NKAIN2: variants seen among roughly 807,000 people sequenced by gnomAD.
NKAIN2 encodes sodium/potassium-transporting ATPase subunit beta-1-interacting protein 2.
NKAIN2 carries 14 observed loss-of-function variants against 32.6 expected under a neutral mutation model. The ratio of observed to expected loss-of-function variants is 0.43; its 90% confidence interval spans 0.28 to 0.67. The LOEUF is 0.67. Ranked by LOEUF, NKAIN2 falls within the 30% of genes least tolerant of loss-of-function variation. The pLI, the probability that NKAIN2 is intolerant of heterozygous loss-of-function variation, is 0.17. For synonymous variants in NKAIN2, 80 were observed against 87.2 expected, an observed-to-expected ratio of 0.92 and a Z score of 0.46; for missense variants, 198 against 258.3, an observed-to-expected ratio of 0.77 and a Z score of 1.60.
At chr6:124,798,807 C>G (rs559872721) in intron 5 of NKAIN2, among the ~76,000 whole-genome samples, 1 of 152,042 alleles carries the variant, frequency 6.6e-6, no homozygotes, top group Admixed American at 6.6e-5. Context: ...CATGACCTTC[C>G]GACATTCAAA....
chr6:123,874,662 A>T (rs9320964), intron 1 of NKAIN2, among the ~76,000 whole-genome samples: 53,329 of 151,942 alleles, frequency 0.35, 9,624 homozygotes, highest in African/African-American at 0.4. Context: ...GCTCTTATTA[A>T]AATGAGATGC....
intron 5 of NKAIN2, among the ~76,000 whole-genome samples, chr6:124,796,752 A>G (rs1039832334): frequency 1.3e-5 from 2 of 152,142 alleles, no homozygotes; most frequent in Non-Finnish European, 1.5e-5. Flanking sequence ...CCTTAACAAC[A>G]TACTTTCATA....
At chr6:124,282,916 TTA>T (rs2114921206) in intron 1 of NKAIN2, 87 bp from the exon 2 acceptor site, 1 of 1,102,420 alleles carries the variant, frequency 9.1e-7, no homozygotes, top group African/African-American at 1.6e-5. Flanking sequence ...TAAGTGCTAA[TTA>T]TGTTATTAAT....
chr6:124,519,402 G>A (rs1779041194), intron 3 of NKAIN2, among the ~76,000 whole-genome samples: 1 of 152,194 alleles, frequency 6.6e-6, no homozygotes, highest in African/African-American at 2.4e-5. Context: ...TCACACTGGA[G>A]TTAGAATTCC....
In NKAIN2 at chr6:124,413,807, G is replaced by A. The variant is rs183593551; in HGVS notation, c.273+58460G>A. Among the ~76,000 whole-genome samples, 115 of 152,092 alleles carry A rather than the reference G, an allele frequency of 7.6e-4. 1 individual carries two copies. The highest frequency in any genetic ancestry group is 7.3e-3 in the Admixed American group (112 of 15,262). ...TCATATTTTTGATCATACTGGAAAT[G>A]GTATTTTTATTTCCATATATGATTG... On this transcript the variant is annotated intron_variant, in intron 3 of 6. Transcript: ENST00000368417.
chr6:124,569,524 A>G (rs1781047191), intron 3 of NKAIN2, among the ~76,000 whole-genome samples: 1 of 152,122 alleles, frequency 6.6e-6, no homozygotes, highest in South Asian at 2.1e-4. Context: ...GAGGTAATTG[A>G]ATCATGGGGA....
intron 5 of NKAIN2, among the ~76,000 whole-genome samples, chr6:124,817,550 T>A (rs1254828160): frequency 1.3e-5 from 2 of 152,156 alleles, no homozygotes; most frequent in Non-Finnish European, 2.9e-5. Flanking sequence ...TAAAAGTGCA[T>A]GACACTTTTA....
intron 1 of NKAIN2, among the ~76,000 whole-genome samples, chr6:123,866,587 A>C (rs933693644): frequency 1.3e-5 from 2 of 152,018 alleles, no homozygotes; most frequent in East Asian, 1.9e-4. Context: ...CCCGCCACCA[A>C]GCCCGGCCAA....
At chr6:124,088,009 G>A (rs546134432) in intron 1 of NKAIN2, among the ~76,000 whole-genome samples, 10 of 151,904 alleles carry the variant, frequency 6.6e-5, no homozygotes, top group Non-Finnish European at 1.3e-4. Context: ...CGTTGCATTC[G>A]CATTTTTGCT....
intron 1 of NKAIN2, among the ~76,000 whole-genome samples, chr6:124,179,418 A>G (rs890356650): frequency 1.3e-5 from 2 of 152,248 alleles, no homozygotes; most frequent in Non-Finnish European, 2.9e-5. Flanking sequence ...TTAATGTCTT[A>G]AAGTGTTATA....
At chr6:123,865,490 C>T (rs954059955) in intron 1 of NKAIN2, among the ~76,000 whole-genome samples, 2 of 151,636 alleles carry the variant, frequency 1.3e-5, no homozygotes, top group African/African-American at 4.8e-5. Flanking sequence ...TCTCATAATC[C>T]TCCTTTATTT....
At chr6:124,309,028 G>A (rs1796617322) in intron 2 of NKAIN2, among the ~76,000 whole-genome samples, 3 of 152,044 alleles carry the variant, frequency 2.0e-5, no homozygotes, top group Admixed American at 2.0e-4. Flanking sequence ...CCGAGAACAG[G>A]CATCCATTCT....
chr6:123,977,274 G>T (rs1245517044), intron 1 of NKAIN2, among the ~76,000 whole-genome samples: 1 of 152,120 alleles, frequency 6.6e-6, no homozygotes, highest in Non-Finnish European at 1.5e-5. Context: ...AAATTTAAAA[G>T]GTGGTGTGTG....
chr6:124,461,462 C>A (rs1442234655), intron 3 of NKAIN2, among the ~76,000 whole-genome samples: 4 of 151,668 alleles, frequency 2.6e-5, no homozygotes, highest in African/African-American at 9.7e-5. Context: ...TTTTCTTAAT[C>A]TGTGTTGCTT....
Position 124,212,173 on chromosome 6 carries a change from C to T in NKAIN2, c.55-70832C>T, listed in dbSNP as rs1791214810. Reference sequence around the variant, plus strand: ...CTCTAGTGACATTTGTAATAACTTGCCTAAGGCATTAATTCTAATCACTTT... The same window carrying T: ...CTCTAGTGACATTTGTAATAACTTGTCTAAGGCATTAATTCTAATCACTTT... On this transcript the variant is annotated intron_variant, in intron 1 of 6. Coordinates refer to ENST00000368417, the MANE Select transcript of NKAIN2 (RefSeq NM_001040214.3). 3.3e-5 allele frequency among the ~76,000 whole-genome samples: 5 copies of T among 151,926 alleles called. No individual in the cohort carries two copies. In the South Asian group the frequency reaches 1.0e-3, roughly 32 times the overall value.
chr6:123,893,504 G>T (rs929524960), intron 1 of NKAIN2, among the ~76,000 whole-genome samples: 1 of 152,110 alleles, frequency 6.6e-6, no homozygotes, highest in Non-Finnish European at 1.5e-5. Flanking sequence ...ACTACTCCTA[G>T]CCTAATATAG....
At chr6:124,557,513 A>G (rs1017057944) in intron 3 of NKAIN2, among the ~76,000 whole-genome samples, 1 of 152,220 alleles carries the variant, frequency 6.6e-6, no homozygotes, top group Non-Finnish European at 1.5e-5. Context: ...AAAAGTCCCT[A>G]AACTACTGTA....
intron 1 of NKAIN2, among the ~76,000 whole-genome samples, chr6:124,128,010 G>A (rs1321755398): frequency 1.3e-5 from 2 of 152,056 alleles, no homozygotes; most frequent in African/African-American, 4.8e-5. Flanking sequence ...TGTATTTTTT[G>A]TAGAGATGGG....
intron 3 of NKAIN2, among the ~76,000 whole-genome samples, chr6:124,366,280 A>T (rs1799513945): frequency 6.6e-6 from 1 of 152,094 alleles, no homozygotes; most frequent in African/African-American, 2.4e-5. Context: ...ATCACAAATA[A>T]CTCTATAGAT....
Sources: gnomAD v4.1 joint callset for allele counts (sites outside exome capture counted in the v4.1 genomes callset) on GRCh38, gnomAD v4.1.1 for gene constraint, MANE v1.5 for transcripts, NCBI Gene and HGNC (gene_info 2026-07-23, HGNC 2026-07-21) for gene names.